The following EIF2B3 variants were observed in gnomAD, a reference collection of about 807,000 sequenced individuals.
EIF2B3 encodes the protein eukaryotic translation initiation factor 2B subunit gamma.
In EIF2B3, 20 loss-of-function variants were observed where a neutral mutation model predicts 54.1. The observed-to-expected ratio is 0.37, with a 90% CI of 0.26 to 0.54. The LOEUF (loss-of-function observed/expected upper bound fraction) is 0.54. Among genes scored for constraint, EIF2B3 ranks in the 20% least tolerant of loss-of-function variants. The probability of loss-of-function intolerance (pLI) is 0.86; values close to 1 mark genes in which losing one functional copy is unlikely to be tolerated. For synonymous variants in EIF2B3, 153 were observed against 188.1 expected (o/e 0.81, Z 1.52); for missense variants, 448 against 547.8 (o/e 0.82, Z 1.82).
chr1:44,967,185 G>C (rs1011717900), intron 3 of EIF2B3, among the ~76,000 whole-genome samples: 1 of 150,974 alleles, frequency 6.6e-6, no homozygotes, highest in Admixed American at 6.6e-5. Context: ...GGTGGCTCAC[G>C]CTTGTAATCC....
intron 2 of EIF2B3, 61 bp downstream of exon 2, chr1:44,980,960 T>G (rs1489073163): frequency 1.1e-5 from 17 of 1,602,210 alleles, no homozygotes; most frequent in African/African-American, 2.7e-5. Flanking sequence ...CGCTGACAAA[T>G]CATGGGGATC....
At chr1:44,962,654 A>G (rs573684904) in intron 3 of EIF2B3, among the ~76,000 whole-genome samples, 1 of 152,242 alleles carries the variant, frequency 6.6e-6, no homozygotes, top group Admixed American at 6.5e-5. Flanking sequence ...GGCTCAAGTG[A>G]TCCTCCTGCC....
At chr1:44,906,158 C>G (rs1460806667) in intron 5 of EIF2B3, among the ~76,000 whole-genome samples, 2 of 152,186 alleles carry the variant, frequency 1.3e-5, no homozygotes, top group African/African-American at 4.8e-5. Flanking sequence ...TCTCACTGGT[C>G]TAGCTAATAT....
intron 3 of EIF2B3, among the ~76,000 whole-genome samples, chr1:44,974,379 A>T (rs1285993254): frequency 2.0e-5 from 3 of 151,346 alleles, no homozygotes; most frequent in African/African-American, 7.3e-5. Flanking sequence ...AGGCTTAGGT[A>T]GGAGGATCAC....
chr1:44,948,609 T>C (rs1557700011), intron 3 of EIF2B3, among the ~76,000 whole-genome samples: 2 of 152,046 alleles, frequency 1.3e-5, no homozygotes, highest in African/African-American at 4.8e-5. Flanking sequence ...TATATAAAGA[T>C]AGACATTTAA....
chr1:44,941,626 C>A lies in EIF2B3; in HGVS notation c.334G>T (p.Val112Phe). The A allele has an allele frequency of 6.2e-7, 1 of 1,614,062 alleles. No individual in the cohort carries two copies. ...AGGTCCACAACCTCATGTAAGGCAA[C>A]GTCTGTTATCAGATCACAGCTCAGC... Reference protein sequence around the residue: ...LVLSCDLITDVALHEVVDLFR... With the variant: ...LVLSCDLITDFALHEVVDLFR... The change falls in exon 4 of 12, where the codon GTT becomes TTT. Residue 112 changes from valine (V) to phenylalanine (F), a missense_variant. Val to Phe is a conservative substitution (Grantham distance 50, BLOSUM62 -1). Around this residue, in one of 3 missense-constraint regions of EIF2B3, gnomAD observed 350 missense variants for 414.2 expected, o/e 0.85. Transcript: ENST00000360403.
chr1:44,958,800 C>A, intron 3 of EIF2B3: 1 of 1,291,856 alleles, frequency 7.7e-7, no homozygotes, highest in Non-Finnish European at 1.1e-6. Flanking sequence ...AGGACTGCGA[C>A]AAGAGATCGT....
chr1:44,856,396 T>A (rs1654435520), intron 11 of EIF2B3, among the ~76,000 whole-genome samples: 1 of 151,736 alleles, frequency 6.6e-6, no homozygotes, highest in African/African-American at 2.4e-5. Context: ...GCCCCTGTAG[T>A]CTCAGCTGCC....
chr1:44,875,469 T>C (rs1465352436), intron 9 of EIF2B3, 149 bp downstream of exon 9: 2 of 767,622 alleles, frequency 2.6e-6, no homozygotes, highest in East Asian at 2.7e-5. Context: ...GGCAGTCTTG[T>C]TGAGTGAGAT....
intron 3 of EIF2B3, among the ~76,000 whole-genome samples, chr1:44,974,009 C>T (rs1431231053): frequency 2.0e-5 from 3 of 152,152 alleles, no homozygotes; most frequent in South Asian, 4.1e-4. Flanking sequence ...AGCGGTACTC[C>T]AGAAAGCAAC....
At chr1:44,910,863 T>C (rs1643500880) in intron 5 of EIF2B3, among the ~76,000 whole-genome samples, 1 of 152,176 alleles carries the variant, frequency 6.6e-6, no homozygotes, top group East Asian at 1.9e-4. Flanking sequence ...AAATTTTTTT[T>C]CCATAGGTTT....
intron 3 of EIF2B3, among the ~76,000 whole-genome samples, chr1:44,952,146 G>T (rs1317619940): frequency 7.3e-6 from 1 of 137,716 alleles, no homozygotes; most frequent in Non-Finnish European, 1.6e-5. Flanking sequence ...TGTATTTTTA[G>T]TAGAGACGGG....
chr1:44,952,028 A>T (rs9429137), intron 3 of EIF2B3, among the ~76,000 whole-genome samples: 9,851 of 99,336 alleles, frequency 0.099, 2,105 homozygotes, highest in African/African-American at 0.36. Flanking sequence ...AGTGGCGGGA[A>T]CTCGGCTCAC....
At chr1:44,973,508 G>A (rs990969747) in intron 3 of EIF2B3, among the ~76,000 whole-genome samples, 3 of 152,132 alleles carry the variant, frequency 2.0e-5, no homozygotes, top group Non-Finnish European at 4.4e-5. Flanking sequence ...GACTAGCCTG[G>A]CCAACATGGC....
chr1:44,962,264 C>T (rs1225698029), intron 3 of EIF2B3, among the ~76,000 whole-genome samples: 1 of 151,386 alleles, frequency 6.6e-6, no homozygotes, highest in East Asian at 1.9e-4. Context: ...GGAGAACATT[C>T]TTGGGGTAGA....
chr1:44,942,229 TA>T lies in EIF2B3; in HGVS notation c.295-565del, dbSNP rs1644031607. 2.0e-5 allele frequency among the ~76,000 whole-genome samples: 3 copies of T among 150,910 alleles called. No individual in the cohort carries two copies. In the Admixed American group the frequency reaches 2.0e-4, roughly 10 times the overall value. On this transcript the variant is annotated intron_variant, in intron 3 of 11. Transcript: ENST00000360403. ...AATGACAGAAAGGCATTGTTATTAT[TA>T]ATATTACTGGCCTCTATTTTTATAG...
intron 10 of EIF2B3, among the ~76,000 whole-genome samples, chr1:44,866,965 G>C (rs1198375539): frequency 1.3e-5 from 2 of 152,350 alleles, no homozygotes; most frequent in Middle Eastern, 3.4e-3. Context: ...AATTCAGGCA[G>C]AGTGAATGTT....
At chr1:44,916,817 AAAAAAAG>A (rs1200450819) in intron 5 of EIF2B3, among the ~76,000 whole-genome samples, 1 of 151,128 alleles carries the variant, frequency 6.6e-6, no homozygotes, top group African/African-American at 2.4e-5. Context: ...TCGCAAAAAA[AAAAAAAG>A]AAAAAAGAAA....
Position 44,897,456 on chromosome 1 carries a change from T to A in EIF2B3, c.567-12A>T, listed in dbSNP as rs777386256. ...GTATTCTAGGATGCCTGCAAAAAAA[T>A]AAAAAATAAAAGAAAGAAAGAAGAG... is the stretch of plus-strand genomic sequence containing the variant. On this transcript the variant is annotated splice_polypyrimidine_tract_variant and intron_variant, in intron 5 of 11. Coordinates refer to ENST00000360403, the MANE Select transcript of EIF2B3 (RefSeq NM_020365.5). 33 of 1,588,048 alleles carry A rather than the reference T, an allele frequency of 2.1e-5. No individual in the cohort carries two copies. The highest frequency in any genetic ancestry group is 3.4e-5 in the Admixed American group (2 of 58,068).
Sources: allele counts gnomAD v4.1 joint callset (sites outside exome capture counted in the v4.1 genomes callset), GRCh38; gene constraint gnomAD v4.1.1; regional missense constraint gnomAD v4.1.1; transcripts MANE v1.5; gene names NCBI Gene and HGNC (gene_info 2026-07-23, HGNC 2026-07-21).